Variants in PKD1L3 observed in about 807,000 individuals in gnomAD.
PKD1L3 encodes the protein polycystin 1 like 3, transient receptor potential channel interacting.
Under a neutral mutation model 184.1 loss-of-function variants are expected in PKD1L3, and 239 were observed. The observed-to-expected ratio is 1.30, with a 90% confidence interval of 1.17 to 1.45. The LOEUF (loss-of-function observed/expected upper bound fraction) is 1.45, where lower values mean the gene tolerates loss of function less well. Ranked by LOEUF, PKD1L3 falls within the 40% of genes most tolerant of loss-of-function variation. The probability of loss-of-function intolerance (pLI) is 0.00; values close to 1 mark genes in which losing one functional copy is unlikely to be tolerated. For missense variants in PKD1L3, 2,660 were observed against 2,067.2 expected (o/e 1.29, Z -5.56); for synonymous variants, 996 against 778.8 (o/e 1.28, Z -4.64).
In PKD1L3 at chr16:71,930,067, T is replaced by C. The variant is rs1160552339; in HGVS notation, c.5043A>G (p.Glu1681=). The part of the protein sequence containing the change: ...VSAILMAFGK[E]RKSLKKEAAL... ...AGTTACCTACCTTAAGCGACTTTCT[T>C]TCTTTTCCAAAGGCCATGAGAATGG... The change falls in exon 29 of 30, where the codon GAA becomes GAG. Residue 1681 remains glutamate, a synonymous_variant. Transcript: ENST00000620267. The C allele has an allele frequency of 1.3e-6, 2 of 1,549,278 alleles. No homozygotes were observed. Among genetic ancestry groups the C allele is most frequent in the Admixed American group, 2.0e-5 (1 of 50,038 alleles).
At chr16:71,982,637 C>T (rs1166895661) in intron 6 of PKD1L3, among the ~76,000 whole-genome samples, 1 of 152,050 alleles carries the variant, frequency 6.6e-6, no homozygotes, top group Non-Finnish European at 1.5e-5. Context: ...TGCTCTGTTG[C>T]CCCGTCTGGA....
intron 4 of PKD1L3, among the ~76,000 whole-genome samples, chr16:71,988,016 C>A (rs895720120): frequency 2.0e-5 from 3 of 152,002 alleles, no homozygotes; most frequent in African/African-American, 7.3e-5. Context: ...GAAGGGAATG[C>A]AGATGTTATT....
At chr16:71,941,367 ATAAAAAT>A (rs2038354735) in intron 24 of PKD1L3, among the ~76,000 whole-genome samples, 1 of 152,096 alleles carries the variant, frequency 6.6e-6, no homozygotes, top group Non-Finnish European at 1.5e-5. Flanking sequence ...AGTTTAGAAG[ATAAAAAT>A]TAAATACTGC....
In PKD1L3 at chr16:71,977,235, C is replaced by T; in HGVS notation, c.1759+1G>A. 2 of 1,515,708 alleles carry T rather than the reference C, an allele frequency of 1.3e-6. No individual in the cohort carries two copies. The highest frequency in any genetic ancestry group is 2.4e-5 in the South Asian group (2 of 83,224). The allele number at this position is 1,515,708 out of a possible 1,614,324, so 93.9% of individuals were successfully genotyped here. ...GTTTCTGACAGCTGATTGGGTTTTA[C>T]CTTTTTGCCACACCTTATCCTTTGG... On this transcript the variant is annotated splice_donor_variant, in intron 11 of 29. Transcript: ENST00000620267. LOFTEE classifies it high-confidence loss of function.
chr16:71,955,459 A>G (rs746876416), intron 16 of PKD1L3, among the ~76,000 whole-genome samples: 7 of 152,092 alleles, frequency 4.6e-5, no homozygotes, highest in Non-Finnish European at 1.0e-4. Context: ...AAAGGGGTGT[A>G]TATAAACACA....
intron 2 of PKD1L3, among the ~76,000 whole-genome samples, chr16:71,995,071 G>A (rs757911354): frequency 6.6e-6 from 1 of 152,146 alleles, no homozygotes; most frequent in Admixed American, 6.5e-5. Context: ...ACCACAAACA[G>A]GGTAATTTAT....
rs1159766296 is a variant in PKD1L3 at position 71,942,682 on chromosome 16, C to G, written c.4202G>C (p.Gly1401Ala). ...GTAACTGAACCTCCTTAGATGAAGTCCAGGGAATAGGCTCTTGGGACGCCC... is the reference window on the plus strand; with the variant it reads ...GTAACTGAACCTCCTTAGATGAAGTGCAGGGAATAGGCTCTTGGGACGCCC... ...TCGRPKSLFP[G>A]LHLRRFSYIC... Residue 1401 changes from glycine to alanine, a missense_variant, in exon 24 of 30, where the codon GGA becomes GCA. Transcript: ENST00000620267. The G allele has an allele frequency of 6.4e-7, 1 of 1,551,624 alleles. No individual in the cohort carries two copies. The highest frequency in any genetic ancestry group is 1.2e-5 in the South Asian group (1 of 84,060).
At chr16:71,960,256 A>G (rs2039225285) in intron 16 of PKD1L3, among the ~76,000 whole-genome samples, 1 of 151,980 alleles carries the variant, frequency 6.6e-6, no homozygotes, top group Non-Finnish European at 1.5e-5. Flanking sequence ...TATAACAAAT[A>G]ATGCAAAATA....
chr16:71,935,435 G>A lies in PKD1L3; in HGVS notation c.4536C>T (p.Phe1512=), dbSNP rs2038141758. The stretch of plus-strand genomic sequence containing the variant: ...TCTTCATGTCAAGCCCCAGGAGGAT[G>A]AAGCTAATGAGGATTATACTTGTGT... ...ILDTSIILIS[F]ILLGLDMKSI... is the part of the protein sequence containing the mutation. Residue 1512 remains phenylalanine (F), a synonymous_variant, in exon 26 of 30, where the codon TTC becomes TTT. Transcript: ENST00000620267. 1 of 1,552,082 alleles carries A rather than the reference G, an allele frequency of 6.4e-7. No individual in the cohort carries two copies. Among genetic ancestry groups the A allele is most frequent in the Non-Finnish European group, 8.7e-7 (1 of 1,147,028 alleles).
At chr16:71,930,386 A>G (rs1300528114) in intron 28 of PKD1L3, 1 of 428,526 alleles carries the variant, frequency 2.3e-6, no homozygotes, top group African/African-American at 2.0e-5. Context: ...GGAGGTTAAG[A>G]TAATTGTGAC....
chr16:71,964,309 C>G (rs1474698006), intron 15 of PKD1L3, among the ~76,000 whole-genome samples: 1 of 56,592 alleles, frequency 1.8e-5, no homozygotes, highest in African/African-American at 7.2e-5. Context: ...TCGTCAAAAT[C>G]TTTTTTTTTT....
chr16:71,969,577 G>T (rs2039633061), intron 13 of PKD1L3, among the ~76,000 whole-genome samples: 1 of 150,382 alleles, frequency 6.6e-6, no homozygotes, highest in African/African-American at 2.5e-5. Context: ...CTCCCCAAGT[G>T]TTGGAATTAT....
At chr16:71,953,477 T>TGGCATTACAA (rs2038927864) in intron 17 of PKD1L3, among the ~76,000 whole-genome samples, 1 of 150,584 alleles carries the variant, frequency 6.6e-6, no homozygotes, top group African/African-American at 2.5e-5. Flanking sequence ...AAACCTTACA[T>TGGCATTACAA]GGCATTACAA....
intron 12 of PKD1L3, among the ~76,000 whole-genome samples, 194 bp from the exon 13 acceptor site, chr16:71,970,299 ACT>A (rs762580894): frequency 8.5e-5 from 13 of 152,176 alleles, no homozygotes; most frequent in Admixed American, 1.3e-4. Flanking sequence ...AGCAGAACAA[ACT>A]CTTTGAATCC....
intron 7 of PKD1L3, among the ~76,000 whole-genome samples, 156 bp from the exon 8 acceptor site, chr16:71,980,290 T>C (rs2040099448): frequency 1.3e-5 from 2 of 152,180 alleles, no homozygotes; most frequent in Non-Finnish European, 2.9e-5. Flanking sequence ...CAGAAAGTAC[T>C]TGCAACCTGG....
intron 26 of PKD1L3, among the ~76,000 whole-genome samples, chr16:71,934,867 C>T (rs1317327728): frequency 6.6e-6 from 1 of 152,200 alleles, no homozygotes; most frequent in Non-Finnish European, 1.5e-5. Flanking sequence ...CAACACTTGG[C>T]ATGGGAAACA....
At chr16:71,968,402 T>G (rs2039581612) in intron 13 of PKD1L3, among the ~76,000 whole-genome samples, 1 of 152,132 alleles carries the variant, frequency 6.6e-6, no homozygotes, top group South Asian at 2.1e-4. Context: ...AAATGCAAAT[T>G]TAACTAGGTA....
At chr16:71,998,004 C>A (rs937952288) in intron 2 of PKD1L3, among the ~76,000 whole-genome samples, 2 of 152,090 alleles carry the variant, frequency 1.3e-5, no homozygotes, top group Non-Finnish European at 1.5e-5. Context: ...AATGGTGTCA[C>A]CAATACAATT....
In PKD1L3 at chr16:71,984,171, T is replaced by C. The variant is rs541133485; in HGVS notation, c.835-4A>G. The C allele has an allele frequency of 6.4e-5, 100 of 1,550,816 alleles. No homozygotes were observed. Among genetic ancestry groups the C allele is most frequent in the Admixed American group, 1.2e-4 (6 of 50,936 alleles). On this transcript the variant is annotated splice_region_variant and splice_polypyrimidine_tract_variant and intron_variant, in intron 5 of 29. Coordinates refer to ENST00000620267, the MANE Select transcript of PKD1L3 (RefSeq NM_181536.2). The stretch of plus-strand genomic sequence containing the variant: ...TCCCTGCTATCTCATCTATGACCTA[T>C]TGGGAACAAAGAAGTTGTCAAAATT...
Sources: gnomAD v4.1 joint callset for allele counts (sites outside exome capture counted in the v4.1 genomes callset) on GRCh38, gnomAD v4.1.1 for gene constraint, MANE v1.5 for transcripts, NCBI Gene and HGNC (gene_info 2026-07-23, HGNC 2026-07-21) for gene names.